SVBP: variants seen among roughly 807,000 people sequenced by gnomAD.
SVBP encodes small vasohibin binding protein.
Under a neutral mutation model 9.2 loss-of-function variants are expected in SVBP, and 9 were observed. The observed-to-expected ratio is 0.98, with a 90% confidence interval of 0.59 to 1.71. The LOEUF (loss-of-function observed/expected upper bound fraction) is 1.71. Ranked by LOEUF, SVBP falls within the 40% of genes most tolerant of loss-of-function variation. The pLI, the probability that SVBP is intolerant of heterozygous loss-of-function variation, is 0.00. For synonymous variants in SVBP, 27 were observed against 23.9 expected (o/e 1.13, Z -0.37); for missense variants, 63 against 73.2 (o/e 0.86, Z 0.51).
At chr1:42,813,441 CA>C (rs1654122315) in intron 2 of SVBP, 5 of 568,060 alleles carry the variant, frequency 8.8e-6, no homozygotes, top group African/African-American at 1.9e-5. Flanking sequence ...CATCAAAGGC[CA>C]AAACTGGATT....
Position 42,807,393 on chromosome 1 carries a change from A to T in SVBP, c.*21T>A, listed in dbSNP as rs12402142. 23,187 of 1,596,070 alleles carry T rather than the reference A, an allele frequency of 0.015. 230 individuals are homozygous for T. Among genetic ancestry groups the T allele is most frequent in the Admixed American group, 0.034 (2,040 of 59,932 alleles). On this transcript the variant is annotated 3_prime_UTR_variant, in exon 3 of 3. Transcript: ENST00000372521. ...ACCCTCTCAAAGCTCTCAGGATCCC[A>T]TCTGGTTTGAACCTGGGGCCTCATT...
rs201879648 is a variant in SVBP, at chr1:42,814,100, TG to T, written c.114+2330del. Among the ~76,000 whole-genome samples the T allele has an allele frequency of 3.8e-3, 572 of 150,292 alleles. 5 individuals carry two copies. Among genetic ancestry groups the T allele is most frequent in the East Asian group, 0.017 (86 of 5,042 alleles). The stretch of plus-strand genomic sequence containing the variant: ...CTAGCAGTTCTTTTTCTTTTTTTTT[TG>T]TTTTTGAGACAGAGTCTAGCTCTGT... On this transcript the variant is annotated intron_variant, in intron 2 of 2. Transcript: ENST00000372521.
chr1:42,807,619 G>C (rs925406726), intron 2 of SVBP, 119 bp from the exon 3 acceptor site: 1 of 729,870 alleles, frequency 1.4e-6, no homozygotes, highest in Non-Finnish European at 2.4e-6. Flanking sequence ...GGTAATGCAG[G>C]GACAGTGCTC....
intron 2 of SVBP, among the ~76,000 whole-genome samples, chr1:42,808,230 ATATGT>A (rs1268984180): frequency 1.2e-3 from 168 of 142,770 alleles, no homozygotes; most frequent in African/African-American, 4.1e-3. Flanking sequence ...TAGAGTGCAT[ATATGT>A]TATAATATAT....
In SVBP at chr1:42,807,295, AT is replaced by A. The variant is rs1284488859; in HGVS notation, c.*118del. ...AGTTACACACAGGAAGTGAGTTCAG[AT>A]TTATCCACAAATGTCTTCTGGTCTA... is the stretch of plus-strand genomic sequence containing the variant. On this transcript the variant is annotated 3_prime_UTR_variant, in exon 3 of 3. Transcript: ENST00000372521. 1.5e-6 allele frequency: 1 copy of A among 659,460 alleles called. No homozygotes were observed. Among genetic ancestry groups the A allele is most frequent in the Non-Finnish European group, 2.7e-6 (1 of 372,630 alleles). 40.9% of individuals were successfully genotyped at this position (659,460 alleles called of 1,614,324 possible).
chr1:42,815,112 G>GT (rs1415514415), intron 2 of SVBP, among the ~76,000 whole-genome samples: 1 of 150,160 alleles, frequency 6.7e-6, no homozygotes, highest in Non-Finnish European at 1.5e-5. Flanking sequence ...GCAAACTATC[G>GT]TAAGAACAAA....
At chr1:42,808,178 T>TATAC (rs1366167570) in intron 2 of SVBP, among the ~76,000 whole-genome samples, 30 of 72,450 alleles carry the variant, frequency 4.1e-4, no homozygotes, top group African/African-American at 1.4e-3. Flanking sequence ...TATATATATA[T>TATAC]ACATACTATG....
chr1:42,816,112 T>A (rs1328872787), intron 2 of SVBP: 1 of 253,398 alleles, frequency 3.9e-6, no homozygotes, highest in Non-Finnish European at 7.6e-6. Context: ...ACTGGGGGTG[T>A]CTGACACTTG....
At chr1:42,817,050 G>GGCCCCCC in intron 1 of SVBP, 140 bp downstream of exon 1, 1 of 165,684 alleles carries the variant, frequency 6.0e-6, no homozygotes, top group South Asian at 1.9e-4. Flanking sequence ...AGCCGGGCCC[G>GGCCCCCC]CCCCCCACCG....
intron 2 of SVBP, among the ~76,000 whole-genome samples, chr1:42,816,022 G>T (rs1227098006): frequency 6.6e-6 from 1 of 152,222 alleles, no homozygotes; most frequent in Non-Finnish European, 1.5e-5. Context: ...AGAGAACAAA[G>T]GAACACACTG....
intron 2 of SVBP, among the ~76,000 whole-genome samples, chr1:42,810,592 AT>A (rs1254847131): frequency 1.3e-5 from 2 of 152,172 alleles, no homozygotes; most frequent in Non-Finnish European, 1.5e-5. Flanking sequence ...AGGAGGCAAG[AT>A]GGTAGGAGAA....
chr1:42,817,238 C>A lies in SVBP; in HGVS notation c.-85G>T. 8.0e-7 allele frequency: 1 copy of A among 1,255,306 alleles called. No homozygotes were observed. Among genetic ancestry groups the A allele is most frequent in the Non-Finnish European group, 1.0e-6 (1 of 973,516 alleles). The allele number at this position is 1,255,306 out of a possible 1,614,324, so 77.8% of individuals were successfully genotyped here. A position where few individuals can be genotyped will look rare whatever the true frequency, so the allele number is the denominator to read the frequency against. ...GTTGGAGCCTCCGCCGAGTCGCAGA[C>A]AACGCCTCCGGGAGGGTAATCCTCG... On this transcript the variant is annotated 5_prime_UTR_variant, in exon 1 of 3. Coordinates refer to ENST00000372521, the MANE Select transcript of SVBP (RefSeq NM_199342.4).
In SVBP at chr1:42,810,056, T is replaced by C. The variant is rs1392598451; in HGVS notation, c.115-2556A>G. Among the ~76,000 whole-genome samples, 4 of 151,962 alleles carry C rather than the reference T, an allele frequency of 2.6e-5. No homozygotes were observed. The East Asian group carries it at 7.7e-4, about 29-fold the overall frequency. ...TCACGTTCTATAGTTGGGTGTTTTA[T>C]TCTTAAGCCACATACACACATTATA... On this transcript the variant is annotated intron_variant, in intron 2 of 2. Coordinates refer to ENST00000372521, the MANE Select transcript of SVBP (RefSeq NM_199342.4).
At chr1:42,816,766 C>G in intron 1 of SVBP, 186 bp from the exon 2 acceptor site, 1 of 509,904 alleles carries the variant, frequency 2.0e-6, no homozygotes, top group South Asian at 2.5e-5. Context: ...CGCTGGGTGT[C>G]CCTGGGCAAG....
chr1:42,810,121 T>C lies in SVBP; in HGVS notation c.115-2621A>G, dbSNP rs199780369. On this transcript the variant is annotated intron_variant, in intron 2 of 2. Transcript: ENST00000372521. ...ACACACACACACACACACACATACA[T>C]ACATACACACACACACACACACACA... Among the ~76,000 whole-genome samples, 313 of 137,848 alleles carry C rather than the reference T, an allele frequency of 2.3e-3. 1 individual carries two copies. Among genetic ancestry groups the C allele is most frequent in the African/African-American group, 6.0e-3 (198 of 33,014 alleles). The allele number at this position is 137,848 out of a possible 152,430, so 90.4% of individuals were successfully genotyped here.
In SVBP at chr1:42,807,336, C is replaced by T; in HGVS notation, c.*78G>A. ...CTTCTGGTCTAGTTCTGTAAGGCTC[C>T]AAATGGGCCATCTCAGCTTAAAACT... On this transcript the variant is annotated 3_prime_UTR_variant, in exon 3 of 3. Coordinates refer to ENST00000372521, the MANE Select transcript of SVBP (RefSeq NM_199342.4). The T allele has an allele frequency of 2.0e-6, 2 of 1,010,594 alleles. No homozygotes were observed. The highest frequency in any genetic ancestry group is 3.2e-6 in the Non-Finnish European group (2 of 634,448). The allele number at this position is 1,010,594 out of a possible 1,614,324, so 62.6% of individuals were successfully genotyped here.
At chr1:42,813,505 G>A (rs1004269407) in intron 2 of SVBP, 6 of 542,954 alleles carry the variant, frequency 1.1e-5, no homozygotes, top group Middle Eastern at 3.8e-4. Context: ...GGATGGTTTC[G>A]ATCCAATGGG....
chr1:42,813,663 G>C, intron 2 of SVBP: 1 of 530,882 alleles, frequency 1.9e-6, no homozygotes, highest in East Asian at 5.4e-5. Context: ...CCATTTCCCA[G>C]AGCATTTGTT....
intron 2 of SVBP, chr1:42,813,797 T>C (rs772346014): frequency 1.0e-4 from 49 of 490,370 alleles, no homozygotes; most frequent in Non-Finnish European, 1.2e-4. Flanking sequence ...CTGTTTCTTA[T>C]AGCAACCCTC....
Sources: allele counts gnomAD v4.1 joint callset (sites outside exome capture counted in the v4.1 genomes callset), GRCh38; gene constraint gnomAD v4.1.1; transcripts MANE v1.5; gene names NCBI Gene and HGNC (gene_info 2026-07-23, HGNC 2026-07-21).